The following AAGAB variants were observed in gnomAD, a reference collection of about 807,000 sequenced individuals.
AAGAB encodes the protein alpha and gamma adaptin binding protein, also known as alpha- and gamma-adaptin-binding protein p34.
In AAGAB, 38 loss-of-function variants were observed where a neutral mutation model predicts 44.1. The observed-to-expected ratio is 0.86, with a 90% CI of 0.67 to 1.13. The LOEUF (loss-of-function observed/expected upper bound fraction) is 1.13, where lower values mean the gene tolerates loss of function less well. Among genes scored for constraint, AAGAB ranks in the 50% most tolerant of loss-of-function variants. The pLI is 0.00. For synonymous variants in AAGAB, 131 were observed against 131.8 expected (o/e 0.99, Z 0.04); for missense variants, 450 against 373.8 (o/e 1.20, Z -1.68).
intron 5 of AAGAB, among the ~76,000 whole-genome samples, chr15:67,229,471 AC>A (rs946928318): frequency 4.6e-5 from 7 of 151,716 alleles, no homozygotes; most frequent in African/African-American, 7.2e-5. Flanking sequence ...GAAAAAAAAA[AC>A]CCAAAAAAAC....
chr15:67,203,636 C>G, intron 8 of AAGAB, 39 bp from the exon 9 acceptor site: 1 of 1,572,944 alleles, frequency 6.4e-7, no homozygotes. Context: ...TGTCTAATAG[C>G]ACAGGATAAC....
chr15:67,231,779 G>A, intron 5 of AAGAB, 35 bp downstream of exon 5: 1 of 1,500,284 alleles, frequency 6.7e-7, no homozygotes, highest in South Asian at 1.1e-5. Context: ...CAAGGAACAA[G>A]AGGAAAAAAA....
chr15:67,251,667 G>A (rs1354731821), intron 1 of AAGAB, among the ~76,000 whole-genome samples: 1 of 152,150 alleles, frequency 6.6e-6, no homozygotes, highest in Non-Finnish European at 1.5e-5. Context: ...GAACCCTAAA[G>A]GTTTCTCTCG....
At chr15:67,247,150 C>T (rs1273791721) in intron 1 of AAGAB, among the ~76,000 whole-genome samples, 1 of 152,162 alleles carries the variant, frequency 6.6e-6, no homozygotes, top group East Asian at 1.9e-4. Context: ...CGAAGGTCTG[C>T]AGCTTCACTC....
intron 5 of AAGAB, 65 bp downstream of exon 5, chr15:67,231,749 T>A (rs1266899012): frequency 9.3e-6 from 12 of 1,283,652 alleles, no homozygotes; most frequent in African/African-American, 1.5e-5. Context: ...TCCACATATA[T>A]CTCAATAATT....
At chr15:67,211,367 A>G (rs905828717) in intron 5 of AAGAB, among the ~76,000 whole-genome samples, 2 of 152,188 alleles carry the variant, frequency 1.3e-5, no homozygotes, top group African/African-American at 4.8e-5. Flanking sequence ...CTAGGTGCCC[A>G]ATCCAAAGAC....
chr15:67,203,630 T>TA, intron 8 of AAGAB, 33 bp from the exon 9 acceptor site: 1 of 1,595,416 alleles, frequency 6.3e-7, no homozygotes, highest in African/African-American at 1.3e-5. Flanking sequence ...GAAATTTGTC[T>TA]AATAGCACAG....
intron 1 of AAGAB, among the ~76,000 whole-genome samples, chr15:67,254,011 C>A (rs1401908996): frequency 1.3e-5 from 2 of 152,174 alleles, no homozygotes; most frequent in Non-Finnish European, 2.9e-5. Context: ...CAATCATACC[C>A]AAAAACTCAT....
chr15:67,217,088 A>T (rs1963968845), intron 5 of AAGAB, among the ~76,000 whole-genome samples: 1 of 152,200 alleles, frequency 6.6e-6, no homozygotes, highest in Non-Finnish European at 1.5e-5. Flanking sequence ...ATAGAGATCA[A>T]CACATATTTA....
chr15:67,219,546 G>A lies in AAGAB; in HGVS notation c.536-10002C>T, dbSNP rs142010537. Among the ~76,000 whole-genome samples, 104 of 152,280 alleles carry A rather than the reference G, an allele frequency of 6.8e-4. 4 individuals are homozygous for A. The East Asian group carries it at 0.012, about 18-fold the overall frequency. On this transcript the variant is annotated intron_variant, in intron 5 of 9. Coordinates refer to ENST00000261880, the MANE Select transcript of AAGAB (RefSeq NM_024666.5). ...GTGCAGCTGGAGGCCATTATCCTAA[G>A]TGAATTAAGGCAGGAACAGAAAACC...
At position 67,236,424 on chromosome 15, in the gene AAGAB, AT is replaced by A. The variant is rs775489702; in HGVS notation, c.344del (p.Asp115ValfsTer8). ...AGGCCTTACCATCTTCAGACACTCT[AT>A]CGCAGACCAAGATCATCACCTCAGG... is the stretch of plus-strand genomic sequence containing the variant. Reference protein sequence around the residue: ...WLPEVMILVCDRVSEDGINRQ... With the variant: ...WLPEVMILVCXRVSEDGINRQ... On this transcript the variant is annotated frameshift_variant, in exon 3 of 10. Transcript: ENST00000261880. LOFTEE classifies it high-confidence loss of function. 13 of 1,614,006 alleles carry A rather than the reference AT, an allele frequency of 8.1e-6. No homozygotes were observed. Among genetic ancestry groups the A allele is most frequent in the Non-Finnish European group, 9.3e-6 (11 of 1,179,984 alleles).
At chr15:67,250,869 T>A (rs910179077) in intron 1 of AAGAB, among the ~76,000 whole-genome samples, 1 of 151,694 alleles carries the variant, frequency 6.6e-6, no homozygotes, top group African/African-American at 2.4e-5. Context: ...TACTAAAAAA[T>A]ACAAAAAATT....
chr15:67,240,024 G>A lies in AAGAB; in HGVS notation c.74-3204C>T, dbSNP rs577218131. On this transcript the variant is annotated intron_variant, in intron 1 of 9. Transcript: ENST00000261880. ...CGCCAACATTCTTTCCTACTACACCGTGATGTTACAATACTTAGCACCTGA... is the reference window on the plus strand; with the variant it reads ...CGCCAACATTCTTTCCTACTACACCATGATGTTACAATACTTAGCACCTGA... 3.3e-5 allele frequency among the ~76,000 whole-genome samples: 5 copies of A among 152,228 alleles called. No homozygotes were observed. In the East Asian group the frequency reaches 9.7e-4, roughly 29 times the overall value.
At chr15:67,244,152 T>C (rs1229377209) in intron 1 of AAGAB, among the ~76,000 whole-genome samples, 3 of 152,160 alleles carry the variant, frequency 2.0e-5, no homozygotes, top group African/African-American at 7.2e-5. Context: ...CAAAACAGAA[T>C]AAGTTTGATG....
chr15:67,247,204 C>T lies in AAGAB; in HGVS notation c.73+7355G>A, dbSNP rs146232898. On this transcript the variant is annotated intron_variant, in intron 1 of 9. Transcript: ENST00000261880. Reference sequence around the variant, plus strand: ...CGAACCCACCAGAAGGAAGAAACTCCGGACACTCACAACGAGGGTTCACGG... The same window carrying T: ...CGAACCCACCAGAAGGAAGAAACTCTGGACACTCACAACGAGGGTTCACGG... 5.9e-5 allele frequency among the ~76,000 whole-genome samples: 9 copies of T among 152,100 alleles called. No individual in the cohort carries two copies. The East Asian group carries it at 1.5e-3, about 26-fold the overall frequency.
chr15:67,210,128 T>G (rs960139534), intron 5 of AAGAB, among the ~76,000 whole-genome samples: 1 of 152,228 alleles, frequency 6.6e-6, no homozygotes, highest in African/African-American at 2.4e-5. Context: ...AATATTCCAT[T>G]GTTTTAAATA....
intron 1 of AAGAB, among the ~76,000 whole-genome samples, chr15:67,248,478 G>A (rs983459069): frequency 6.6e-6 from 1 of 152,134 alleles, no homozygotes; most frequent in Non-Finnish European, 1.5e-5. Context: ...TATTCCCAGA[G>A]TAAACCAAAG....
intron 1 of AAGAB, among the ~76,000 whole-genome samples, chr15:67,253,354 G>A (rs564648690): frequency 9.9e-5 from 15 of 151,802 alleles, no homozygotes; most frequent in Non-Finnish European, 1.9e-4. Flanking sequence ...CTTGAGCCCA[G>A]GAGGCAGAGG....
intron 1 of AAGAB, among the ~76,000 whole-genome samples, chr15:67,240,386 T>C (rs893334417): frequency 1.3e-5 from 2 of 152,196 alleles, no homozygotes; most frequent in Non-Finnish European, 2.9e-5. Flanking sequence ...CAAGAGCAGC[T>C]TTCCCCTCCT....
Sources: gnomAD v4.1 joint callset for allele counts (sites outside exome capture counted in the v4.1 genomes callset) on GRCh38, gnomAD v4.1.1 for gene constraint, MANE v1.5 for transcripts, NCBI Gene and HGNC (gene_info 2026-07-23, HGNC 2026-07-21) for gene names.